The following TACC2 variants were observed in gnomAD, a reference collection of about 807,000 sequenced individuals.
The protein encoded by TACC2 is transforming acidic coiled-coil containing protein 2.
In TACC2, 137 loss-of-function variants were observed where a neutral mutation model predicts 227.3. The observed-to-expected ratio is 0.60, with a 90% CI of 0.52 to 0.69. The LOEUF is 0.69. TACC2 is among the 30% of genes least tolerant of loss of function. The pLI, the probability that TACC2 is intolerant of heterozygous loss-of-function variation, is 0.00. For synonymous variants in TACC2, 1,523 were observed against 1,487.5 expected (o/e 1.02, Z -0.55); for missense variants, 3,470 against 3,694.4 (o/e 0.94, Z 1.57).
At chr10:122,151,482 C>T (rs1032272022) in intron 7 of TACC2, among the ~76,000 whole-genome samples, 4 of 152,066 alleles carry the variant, frequency 2.6e-5, no homozygotes, top group African/African-American at 7.2e-5. Context: ...GAGGGAGGTA[C>T]GGCGGTCTCA....
rs1014379180 is a variant in TACC2 at position 122,150,177 on chromosome 10, C to T, written c.5834+6471C>T. On this transcript the variant is annotated intron_variant, in intron 7 of 22. Coordinates refer to ENST00000369005, the MANE Select transcript of TACC2 (RefSeq NM_206862.4). This position sits in a 1 kb window ranked among gnomAD's most constrained non-coding sequence, Gnocchi z 4.0. ...GGGCTCCCTGGCCCTACTCTGGGGG[C>T]ACAGCTGGGAGAAGCTGCAAAGCTT... Among the ~76,000 whole-genome samples, 12 of 152,200 alleles carry T rather than the reference C, an allele frequency of 7.9e-5. No individual in the cohort carries two copies. Among genetic ancestry groups the T allele is most frequent in the African/African-American group, 2.9e-4 (12 of 41,448 alleles).
At chr10:122,033,227 T>G in intron 2 of TACC2, 11 of 1,011,456 alleles carry the variant, frequency 1.1e-5, no homozygotes, top group Non-Finnish European at 1.4e-5. Context: ...TGCAAACATT[T>G]GGTGTGTCAT....
At chr10:122,106,258 G>A (rs866425148) in intron 5 of TACC2, among the ~76,000 whole-genome samples, 1 of 152,088 alleles carries the variant, frequency 6.6e-6, no homozygotes, top group African/African-American at 2.4e-5. Context: ...AAAGTGCTGG[G>A]ATTACAGGTG....
chr10:122,064,428 T>G (rs1311483315), intron 3 of TACC2, among the ~76,000 whole-genome samples: 1 of 152,212 alleles, frequency 6.6e-6, no homozygotes, highest in African/African-American at 2.4e-5. Flanking sequence ...AAGTTCTCCC[T>G]CAGTGTCATT....
intron 1 of TACC2, among the ~76,000 whole-genome samples, chr10:122,013,774 C>T (rs533317823): frequency 1.3e-5 from 2 of 152,256 alleles, no homozygotes; most frequent in African/African-American, 4.8e-5. Context: ...AATTCAGAGC[C>T]TGTAGGGCCC....
chr10:122,190,768 A>T (rs924413291), intron 7 of TACC2, among the ~76,000 whole-genome samples: 2 of 152,128 alleles, frequency 1.3e-5, no homozygotes, highest in African/African-American at 4.8e-5. Flanking sequence ...GGGGGGAGAA[A>T]CCAACGGGCA....
At chr10:122,143,855 G>T in intron 7 of TACC2, 149 bp downstream of exon 7, 1 of 883,912 alleles carries the variant, frequency 1.1e-6, no homozygotes, top group East Asian at 2.7e-5. Flanking sequence ...CTGACCCTTT[G>T]GGCCATAGCC....
intron 6 of TACC2, among the ~76,000 whole-genome samples, chr10:122,135,607 G>C (rs930336534): frequency 6.6e-6 from 1 of 152,062 alleles, no homozygotes; most frequent in Non-Finnish European, 1.5e-5. Context: ...TTAATACCAA[G>C]GATTGGTCTG....
intron 7 of TACC2, among the ~76,000 whole-genome samples, chr10:122,193,770 C>T (rs927804014): frequency 1.3e-5 from 2 of 152,184 alleles, no homozygotes; most frequent in African/African-American, 4.8e-5. Flanking sequence ...CAAGGCAAGG[C>T]TGGGCTCAGG....
At chr10:122,223,743 A>T (rs1488709180) in intron 11 of TACC2, among the ~76,000 whole-genome samples, 1 of 152,252 alleles carries the variant, frequency 6.6e-6, no homozygotes, top group South Asian at 2.1e-4. Context: ...ACTGCTATTT[A>T]TCTTTATTTT....
chr10:122,021,695 C>A (rs1957360866), intron 1 of TACC2, among the ~76,000 whole-genome samples: 1 of 152,176 alleles, frequency 6.6e-6, no homozygotes, highest in Non-Finnish European at 1.5e-5. Context: ...CAGTAACAAA[C>A]CCGTTTTTCA....
At chr10:122,234,056 C>G (rs1404340707) in intron 16 of TACC2, among the ~76,000 whole-genome samples, 1 of 152,216 alleles carries the variant, frequency 6.6e-6, no homozygotes, top group Non-Finnish European at 1.5e-5. Context: ...CATCCTGACT[C>G]CTGGCCTCAC....
At chr10:122,157,120 T>C (rs1421595051) in intron 7 of TACC2, among the ~76,000 whole-genome samples, 2 of 152,022 alleles carry the variant, frequency 1.3e-5, no homozygotes, top group Non-Finnish European at 2.9e-5. Context: ...TCAAATAAAA[T>C]ACAGTAAAAT....
chr10:122,131,960 TG>T (rs1206756579), intron 5 of TACC2, among the ~76,000 whole-genome samples: 2 of 151,630 alleles, frequency 1.3e-5, no homozygotes, highest in African/African-American at 4.9e-5. Flanking sequence ...AGGCGGCGGT[TG>T]CAATGAGCCG....
chr10:122,192,888 C>G (rs1340109956), intron 7 of TACC2: 1 of 412,432 alleles, frequency 2.4e-6, no homozygotes, highest in African/African-American at 2.0e-5. Flanking sequence ...GGGCAGCACC[C>G]GGGGCAGCAC....
At chr10:122,024,090 A>T (rs1443679120) in intron 2 of TACC2, among the ~76,000 whole-genome samples, 1 of 152,184 alleles carries the variant, frequency 6.6e-6, no homozygotes, top group Non-Finnish European at 1.5e-5. Context: ...CAGAGAGCCC[A>T]AGTACGGCGG....
intron 7 of TACC2, among the ~76,000 whole-genome samples, chr10:122,161,109 A>AT (rs1394108075): frequency 2.0e-5 from 3 of 151,882 alleles, no homozygotes; most frequent in South Asian, 2.1e-4. Context: ...AATTTTGTTT[A>AT]TTTTTTTGTA....
rs181038838 is a variant in TACC2 at position 122,159,095 on chromosome 10, A to C, written c.5834+15389A>C. Among the ~76,000 whole-genome samples, 65 of 152,290 alleles carry C rather than the reference A, an allele frequency of 4.3e-4. No individual in the cohort carries two copies. In the East Asian group the frequency reaches 0.011, roughly 25 times the overall value. On this transcript the variant is annotated intron_variant, in intron 7 of 22. Coordinates refer to ENST00000369005, the MANE Select transcript of TACC2 (RefSeq NM_206862.4). ...GGGCTGGCAGGGAGCAGACCCCTCC[A>C]GGGAGCTGGGGGAGCTGGGATGTGA... is the stretch of plus-strand genomic sequence containing the variant.
chr10:122,089,085 C>T (rs2080419892), intron 5 of TACC2, among the ~76,000 whole-genome samples: 1 of 152,166 alleles, frequency 6.6e-6, no homozygotes, highest in Admixed American at 6.5e-5. Flanking sequence ...TGCCACTGCA[C>T]TCCACCCTGG....
Sources: allele counts gnomAD v4.1 joint callset (sites outside exome capture counted in the v4.1 genomes callset), GRCh38; gene constraint gnomAD v4.1.1; non-coding constraint Gnocchi (gnomAD v3.1); transcripts MANE v1.5; gene names NCBI Gene and HGNC (gene_info 2026-07-23, HGNC 2026-07-21).